ST6GALNAC5: variants seen among roughly 807,000 people sequenced by gnomAD.
ST6GALNAC5 encodes the protein ST6 N-acetylgalactosaminide alpha-2,6-sialyltransferase 5.
Under a neutral mutation model 33.6 loss-of-function variants are expected in ST6GALNAC5, and 27 were observed. The ratio of observed to expected loss-of-function variants is 0.80; its 90% confidence interval spans 0.59 to 1.11. ST6GALNAC5 has a LOEUF of 1.11. ST6GALNAC5 is among the 50% of genes least tolerant of loss of function. The pLI is 0.00. For missense variants in ST6GALNAC5, 428 were observed against 454.0 expected (o/e 0.94, Z 0.52); for synonymous variants, 194 against 171.2 (o/e 1.13, Z -1.04).
chr1:76,918,180 G>A (rs180912165), intron 2 of ST6GALNAC5, among the ~76,000 whole-genome samples: 2 of 152,298 alleles, frequency 1.3e-5, no homozygotes, highest in African/African-American at 4.8e-5. Flanking sequence ...TTGGAGAAGA[G>A]AATGAAGCTG....
chr1:76,923,820 G>A (rs1647058787), intron 2 of ST6GALNAC5, among the ~76,000 whole-genome samples: 1 of 152,136 alleles, frequency 6.6e-6, no homozygotes, highest in Non-Finnish European at 1.5e-5. Flanking sequence ...CTGATCTCAA[G>A]ATATGATGAC....
At chr1:76,907,351 C>G (rs1646873975) in intron 2 of ST6GALNAC5, among the ~76,000 whole-genome samples, 1 of 152,078 alleles carries the variant, frequency 6.6e-6, no homozygotes, top group African/African-American at 2.4e-5. Context: ...TGAGAACACC[C>G]AACCCTGCTT....
At chr1:77,003,527 T>C (rs1034713606) in intron 2 of ST6GALNAC5, among the ~76,000 whole-genome samples, 2 of 144,008 alleles carry the variant, frequency 1.4e-5, no homozygotes, top group Non-Finnish European at 3.1e-5. Flanking sequence ...AATTTGATCC[T>C]GTCATTATGA....
chr1:76,940,166 C>T (rs755152856), intron 2 of ST6GALNAC5, among the ~76,000 whole-genome samples: 13 of 152,026 alleles, frequency 8.6e-5, no homozygotes, highest in Non-Finnish European at 1.9e-4. Context: ...AATTACTGGA[C>T]ACGACTCTAA....
At chr1:77,055,762 A>G (rs781515600) in intron 4 of ST6GALNAC5, among the ~76,000 whole-genome samples, 1 of 152,038 alleles carries the variant, frequency 6.6e-6, no homozygotes, top group Non-Finnish European at 1.5e-5. Flanking sequence ...TGGTTTGTCC[A>G]TCTCCTTTGT....
chr1:77,039,180 C>T (rs1158144484), intron 2 of ST6GALNAC5, among the ~76,000 whole-genome samples: 1 of 152,218 alleles, frequency 6.6e-6, no homozygotes, highest in Non-Finnish European at 1.5e-5. Context: ...TAGCTCTGAG[C>T]ATCAGCAGCC....
rs192898828 is a variant in ST6GALNAC5 at position 76,880,367 on chromosome 1, T to C, written c.261+11625T>C. Among the ~76,000 whole-genome samples the C allele has an allele frequency of 2.6e-5, 4 of 152,310 alleles. No homozygotes were observed. In the East Asian group the frequency reaches 7.7e-4, roughly 29 times the overall value. ...CCCCAAAACCAACAAAAGAACTCCA[T>C]CCTTAATATTCAGTTCCTCTAGAAC... On this transcript the variant is annotated intron_variant, in intron 2 of 4. Coordinates refer to ENST00000477717, the MANE Select transcript of ST6GALNAC5 (RefSeq NM_030965.3).
At chr1:77,005,880 T>C (rs1650392199) in intron 2 of ST6GALNAC5, among the ~76,000 whole-genome samples, 1 of 152,242 alleles carries the variant, frequency 6.6e-6, no homozygotes, top group Non-Finnish European at 1.5e-5. Flanking sequence ...AATCAGAATT[T>C]CATTCCCTTT....
chr1:76,892,661 G>T (rs1372336765), intron 2 of ST6GALNAC5, among the ~76,000 whole-genome samples: 3 of 152,318 alleles, frequency 2.0e-5, no homozygotes, highest in Middle Eastern at 3.4e-3. Flanking sequence ...AACTGCATAT[G>T]TTTGAAAATA....
intron 2 of ST6GALNAC5, among the ~76,000 whole-genome samples, chr1:76,945,361 G>A (rs181348990): frequency 1.3e-5 from 2 of 151,990 alleles, no homozygotes; most frequent in East Asian, 1.9e-4. Context: ...TAGTAGGAAC[G>A]CAATAAAACA....
intron 2 of ST6GALNAC5, among the ~76,000 whole-genome samples, chr1:77,021,815 G>T (rs1651063779): frequency 7.3e-6 from 1 of 137,524 alleles, no homozygotes; most frequent in Non-Finnish European, 1.6e-5. Flanking sequence ...TTTATAGGAT[G>T]CACATTGGAA....
At chr1:76,968,024 A>C (rs1205932000) in intron 2 of ST6GALNAC5, among the ~76,000 whole-genome samples, 14 of 152,166 alleles carry the variant, frequency 9.2e-5, no homozygotes, top group Non-Finnish European at 1.5e-5. Flanking sequence ...GTTTGGAATA[A>C]GTGCGATGTG....
chr1:77,026,933 C>T (rs1269721869), intron 2 of ST6GALNAC5, among the ~76,000 whole-genome samples: 1 of 152,242 alleles, frequency 6.6e-6, no homozygotes, highest in Non-Finnish European at 1.5e-5. Context: ...AAGAGCAAGG[C>T]AGGCACTGCG....
chr1:76,934,258 T>C (rs1461702493), intron 2 of ST6GALNAC5, among the ~76,000 whole-genome samples: 1 of 152,046 alleles, frequency 6.6e-6, no homozygotes, highest in Non-Finnish European at 1.5e-5. Context: ...AACAGAACCT[T>C]ACCTGTAATT....
intron 2 of ST6GALNAC5, among the ~76,000 whole-genome samples, chr1:76,895,093 C>G (rs1425229272): frequency 6.6e-6 from 1 of 152,082 alleles, no homozygotes; most frequent in Non-Finnish European, 1.5e-5. Flanking sequence ...TCAGTTAAGG[C>G]AGGAACAGGC....
chr1:76,958,647 G>T (rs971513745), intron 2 of ST6GALNAC5, among the ~76,000 whole-genome samples: 1 of 152,094 alleles, frequency 6.6e-6, no homozygotes, highest in African/African-American at 2.4e-5. Flanking sequence ...GGCACATTTT[G>T]TGTGATGGGA....
chr1:77,056,416 T>C (rs1405797761), intron 4 of ST6GALNAC5, among the ~76,000 whole-genome samples: 3 of 152,222 alleles, frequency 2.0e-5, no homozygotes, highest in Non-Finnish European at 2.9e-5. Context: ...ATTACCAAGT[T>C]TACAACTCTC....
At chr1:77,057,129 G>A (rs1323693664) in intron 4 of ST6GALNAC5, among the ~76,000 whole-genome samples, 1 of 152,094 alleles carries the variant, frequency 6.6e-6, no homozygotes, top group Non-Finnish European at 1.5e-5. Context: ...CTATATGCCA[G>A]GTACTGCACC....
intron 2 of ST6GALNAC5, among the ~76,000 whole-genome samples, chr1:76,945,982 C>T (rs1647504540): frequency 6.6e-6 from 1 of 152,056 alleles, no homozygotes; most frequent in Non-Finnish European, 1.5e-5. Context: ...ACCGTAAATA[C>T]TATTAATCCA....
Sources: allele counts gnomAD v4.1 joint callset (sites outside exome capture counted in the v4.1 genomes callset), GRCh38; gene constraint gnomAD v4.1.1; transcripts MANE v1.5; gene names NCBI Gene and HGNC (gene_info 2026-07-23, HGNC 2026-07-21).